BRME1: variants seen among roughly 807,000 people sequenced by gnomAD.
BRME1 encodes the protein BRCA2 and MEILB2-associating protein 1.
A neutral mutation model predicts 52.6 loss-of-function variants in BRME1; 31 were observed. That is an observed-to-expected ratio of 0.59 (90% CI 0.44 to 0.80). The LOEUF (loss-of-function observed/expected upper bound fraction) is 0.80. BRME1 is among the 30% of genes least tolerant of loss of function. The probability of loss-of-function intolerance (pLI) is 0.00; values close to 1 mark genes in which losing one functional copy is unlikely to be tolerated. For synonymous variants in BRME1, 359 were observed against 353.6 expected (o/e 1.02, Z -0.17); for missense variants, 804 against 860.3 (o/e 0.93, Z 0.82).
In BRME1 at chr19:13,889,626, A is replaced by G. The variant is rs375385842; in HGVS notation, c.1230T>C (p.Asp410=). The change falls in exon 6 of 9, where the codon GAT becomes GAC. Residue 410 remains aspartate, a synonymous_variant. Coordinates refer to ENST00000586783, the MANE Select transcript of BRME1 (RefSeq NM_001345843.2). ...GGGAGGCTGTAGGGCCCACTAGGAC[A>G]TCGCCGGGGGGCTTGCCATCCTGCC... ...EAGQDGKPPG[D]VLVGPTASLA... 10 of 1,608,366 alleles carry G rather than the reference A, an allele frequency of 6.2e-6. No individual in the cohort carries two copies. In the African/African-American group the frequency reaches 9.4e-5, roughly 15 times the overall value.
Position 13,888,795 on chromosome 19 carries a change from C to A in BRME1, c.1668+393G>T, listed in dbSNP as rs893162938. On this transcript the variant is annotated intron_variant, in intron 6 of 8. Coordinates refer to ENST00000586783, the MANE Select transcript of BRME1 (RefSeq NM_001345843.2). The surrounding 1 kb of genome is among the most constrained non-coding windows in gnomAD (Gnocchi z 4.1). ...TCCCCAGGCCCAGGTATAAAGCCAT[C>A]CCCAGGCCCAGCTTCTCTCCATCTG... Among the ~76,000 whole-genome samples, 1 of 152,258 alleles carries A rather than the reference C, an allele frequency of 6.6e-6. No individual in the cohort carries two copies. The highest frequency in any genetic ancestry group is 2.1e-4 in the South Asian group (1 of 4,828).
chr19:13,894,136 C>A (rs1317475235), intron 3 of BRME1, among the ~76,000 whole-genome samples: 1 of 152,140 alleles, frequency 6.6e-6, no homozygotes, highest in Admixed American at 6.6e-5. Flanking sequence ...TTTGGACGGA[C>A]ACTCCAGCCC....
intron 2 of BRME1, among the ~76,000 whole-genome samples, chr19:13,904,111 C>CT (rs531058244): frequency 0.012 from 1,725 of 147,170 alleles, 36 homozygotes; most frequent in African/African-American, 0.04. Flanking sequence ...TTCTTTCTTT[C>CT]TTTTTTTTTT....
chr19:13,889,154 G>A (rs1047910489), intron 6 of BRME1, 34 bp downstream of exon 6: 1 of 1,520,348 alleles, frequency 6.6e-7, no homozygotes, highest in African/African-American at 1.4e-5. Flanking sequence ...GCCTGCCCTG[G>A]GCAGGTATGT....
chr19:13,885,996 A>C lies in BRME1; in HGVS notation c.1728T>G (p.Asn576Lys). ...CCTTGGCCACTGCAACAGGGTCTCC[A>C]TTGGCATGTGAGCTGGGGCCCGGCC... The part of the protein sequence containing the change: ...PCWPGPSSHA[N>K]GDPVAVAKAQ... The change falls in exon 7 of 9, where the codon AAT becomes AAG. Residue 576 changes from asparagine (N) to lysine (K), a missense_variant. By Grantham distance (94) the Asn-to-Lys change is moderately conservative. Around this residue, in one of 3 missense-constraint regions of BRME1, gnomAD observed 552 missense variants for 561.1 expected, o/e 0.98. Transcript: ENST00000586783. 1 of 1,613,978 alleles carries C rather than the reference A, an allele frequency of 6.2e-7. No homozygotes were observed.
rs370846526 is a variant in BRME1, at chr19:13,893,260, C to A, written c.207-37G>T. On this transcript the variant is annotated intron_variant, in intron 3 of 8. Coordinates refer to ENST00000586783, the MANE Select transcript of BRME1 (RefSeq NM_001345843.2). ...AAGATAAAACTGAAGGAGATCTGCC[C>A]GGGTGCGGTGGCTCACACCTGTAAT... 5.9e-6 allele frequency: 9 copies of A among 1,534,430 alleles called. No individual in the cohort carries two copies. The Admixed American group carries it at 1.4e-4, about 24-fold the overall frequency.
chr19:13,882,930 G>A lies in BRME1; in HGVS notation c.1879C>T (p.Arg627Trp), dbSNP rs748287311. ...AGGCGCTTGAAAGCTTCCAGGTCCC[G>A]GTGGGTGCCCATGATCAGCCGGCTG... ...NLNRLIMGTH[R>W]DLEAFKRLNY... is the part of the protein sequence containing the mutation. Residue 627 changes from arginine to tryptophan, a missense_variant, in exon 9 of 9, where the codon CGG becomes TGG. Coordinates refer to ENST00000586783, the MANE Select transcript of BRME1 (RefSeq NM_001345843.2). 5.0e-6 allele frequency: 8 copies of A among 1,613,520 alleles called. No individual in the cohort carries two copies. Among genetic ancestry groups the A allele is most frequent in the Middle Eastern group, 1.7e-4 (1 of 5,898 alleles).
intron 5 of BRME1, 48 bp from the exon 6 acceptor site, chr19:13,890,510 C>T: frequency 7.0e-7 from 1 of 1,431,940 alleles, no homozygotes; most frequent in South Asian, 1.6e-5. Flanking sequence ...TAACCAAGTT[C>T]TCCGAAGAGT....
chr19:13,888,769 C>G lies in BRME1; in HGVS notation c.1668+419G>C, dbSNP rs977207007. 6.6e-6 allele frequency among the ~76,000 whole-genome samples: 1 copy of G among 152,136 alleles called. No individual in the cohort carries two copies. Among genetic ancestry groups the G allele is most frequent in the African/African-American group, 2.4e-5 (1 of 41,436 alleles). ...TTTTGCAGCTTGGGAGTGAAGCCCCCTCCCCAGGCCCAGGTATAAAGCCAT... is the reference window on the plus strand; with the variant it reads ...TTTTGCAGCTTGGGAGTGAAGCCCCGTCCCCAGGCCCAGGTATAAAGCCAT... On this transcript the variant is annotated intron_variant, in intron 6 of 8. Transcript: ENST00000586783. This position sits in a 1 kb window ranked among gnomAD's most constrained non-coding sequence, Gnocchi z 4.1.
rs142351146 is a variant in BRME1, at chr19:13,890,388, C to A, written c.468G>T (p.Gln156His). 6.5e-7 allele frequency: 1 copy of A among 1,535,478 alleles called. No individual in the cohort carries two copies. Among genetic ancestry groups the A allele is most frequent in the African/African-American group, 1.4e-5 (1 of 72,486 alleles). ...TTGGGTCCCCCAGCTCCGTGGCCTC[C>A]TGGAGGGGGACCCCCAGGGTCTCCA... ...LLVETLGVPL[Q>H]EATELGDPTQ... The change falls in exon 6 of 9, where the codon CAG (glutamine) becomes CAT (histidine). Residue 156 changes from glutamine to histidine, a missense_variant. Gln to His is a conservative substitution (Grantham distance 24). Around this residue, in one of 3 missense-constraint regions of BRME1, gnomAD observed 234 missense variants for 258.1 expected, o/e 0.91. Coordinates refer to ENST00000586783, the MANE Select transcript of BRME1 (RefSeq NM_001345843.2).
At position 13,886,034 on chromosome 19, in the gene BRME1, G is replaced by T; in HGVS notation, c.1690C>A (p.Pro564Thr). Residue 564 changes from proline (P) to threonine (T), a missense_variant, in exon 7 of 9, where the codon CCG (proline) becomes ACG (threonine). This residue lies in a region of BRME1 where 552 missense variants were observed against 561.1 expected (regional missense o/e 0.98). Transcript: ENST00000586783. ...PEQLFPSGNK[P>T]GPCWPGPSSH... ...CTGGGGCCCGGCCAGCAAGGGCCCG[G>T]CTTGTTCCCCGAAGGAAAGAGCTGG... The T allele has an allele frequency of 6.2e-7, 1 of 1,613,990 alleles. No homozygotes were observed. Among genetic ancestry groups the T allele is most frequent in the Non-Finnish European group, 8.5e-7 (1 of 1,180,000 alleles).
intron 2 of BRME1, among the ~76,000 whole-genome samples, chr19:13,902,752 G>C (rs187166948): frequency 2.3e-4 from 35 of 150,750 alleles, no homozygotes; most frequent in Admixed American, 4.6e-4. Context: ...ACCAAACCCT[G>C]ACTCTACTAA....
chr19:13,903,503 T>G (rs1473586085), intron 2 of BRME1, among the ~76,000 whole-genome samples: 1 of 151,942 alleles, frequency 6.6e-6, no homozygotes, highest in African/African-American at 2.4e-5. Context: ...TGAAACCCTA[T>G]CCCTACTAAA....
At position 13,889,996 on chromosome 19, in the gene BRME1, C is replaced by G. The variant is rs1172457152; in HGVS notation, c.860G>C (p.Gly287Ala). The G allele has an allele frequency of 2.5e-6, 4 of 1,613,040 alleles. No homozygotes were observed. In the Admixed American group the frequency reaches 6.7e-5, roughly 27 times the overall value. Residue 287 changes from glycine (G) to alanine (A), a missense_variant, in exon 6 of 9, where the codon GGC becomes GCC. Physicochemically the swap from Gly to Ala is moderately conservative, Grantham distance 60 (BLOSUM62 0). Coordinates refer to ENST00000586783, the MANE Select transcript of BRME1 (RefSeq NM_001345843.2). Reference sequence around the variant, plus strand: ...GGCAGGGCCCAGTCCTGGAGCAGGGCCTGAGGTAGGAGCTGATGCTGGGGT... The same window carrying G: ...GGCAGGGCCCAGTCCTGGAGCAGGGGCTGAGGTAGGAGCTGATGCTGGGGT... Reference protein sequence around the residue: ...PCTPASAPTSGPAPGLGPASW... With the variant: ...PCTPASAPTSAPAPGLGPASW...
At position 13,893,234 on chromosome 19, in the gene BRME1, A is replaced by G; in HGVS notation, c.207-11T>C. 1.3e-6 allele frequency: 2 copies of G among 1,571,472 alleles called. No homozygotes were observed. The highest frequency in any genetic ancestry group is 3.7e-4 in the Middle Eastern group (2 of 5,376). ...TCCTCATCAGGGGAGCTATGTAGGA[A>G]AAGATAAAACTGAAGGAGATCTGCC... On this transcript the variant is annotated splice_polypyrimidine_tract_variant and intron_variant, in intron 3 of 8. Coordinates refer to ENST00000586783, the MANE Select transcript of BRME1 (RefSeq NM_001345843.2).
intron 5 of BRME1, among the ~76,000 whole-genome samples, chr19:13,891,307 G>A (rs1186657935): frequency 6.6e-6 from 1 of 151,386 alleles, no homozygotes; most frequent in African/African-American, 2.4e-5. Flanking sequence ...GCGCCACCAT[G>A]CCCGGCTAAT....
chr19:13,895,407 C>T lies in BRME1; in HGVS notation c.171G>A (p.Gln57=). ...CCTTTCCTGGTTCCTCCCCGTGCTGCTGTGTAGAGGGAACAGGTCCCAATT... is the reference window on the plus strand; with the variant it reads ...CCTTTCCTGGTTCCTCCCCGTGCTGTTGTGTAGAGGGAACAGGTCCCAATT... ...EGKLGPVPST[Q]QHGEEPGKAV... Residue 57 remains glutamine (Q), a synonymous_variant, in exon 3 of 9, where the codon CAG becomes CAA. Transcript: ENST00000586783. 1 of 1,613,980 alleles carries T rather than the reference C, an allele frequency of 6.2e-7. No homozygotes were observed. Among genetic ancestry groups the T allele is most frequent in the Non-Finnish European group, 8.5e-7 (1 of 1,180,004 alleles).
chr19:13,884,113 G>A (rs906700753), intron 7 of BRME1, among the ~76,000 whole-genome samples: 4 of 152,132 alleles, frequency 2.6e-5, no homozygotes, highest in Non-Finnish European at 4.4e-5. Flanking sequence ...GTCAAGGTGG[G>A]AGGATGGCTT....
rs1312432911 is a variant in BRME1 at position 13,889,862 on chromosome 19, A to G, written c.994T>C (p.Ser332Pro). The G allele has an allele frequency of 6.2e-7, 1 of 1,612,974 alleles. No homozygotes were observed. The highest frequency in any genetic ancestry group is 1.7e-5 in the Admixed American group (1 of 59,986). The change falls in exon 6 of 9, where the codon TCC becomes CCC. Residue 332 changes from serine (S) to proline (P), a missense_variant. Transcript: ENST00000586783. The stretch of plus-strand genomic sequence containing the variant: ...GCGATGACAACCATCCCGAGGGAGG[A>G]GCATCCCAGGCTGCTATGAGTCCCT... ...GEGTHSSLGCSSLGMVVIADL... is the reference protein window; with the variant it reads ...GEGTHSSLGCPSLGMVVIADL...
Sources: allele counts gnomAD v4.1 joint callset (sites outside exome capture counted in the v4.1 genomes callset), GRCh38; gene constraint gnomAD v4.1.1; regional missense constraint gnomAD v4.1.1; non-coding constraint Gnocchi (gnomAD v3.1); transcripts MANE v1.5; gene names NCBI Gene and HGNC (gene_info 2026-07-23, HGNC 2026-07-21).